Variants in RANGAP1 observed in about 807,000 individuals in gnomAD.
The protein encoded by RANGAP1 is ran GTPase-activating protein 1.
Under a neutral mutation model 63.5 loss-of-function variants are expected in RANGAP1, and 38 were observed. The observed-to-expected ratio is 0.60, with a 90% CI of 0.46 to 0.78. The LOEUF is 0.78. RANGAP1 is among the 30% of genes least tolerant of loss of function. The pLI, the probability that RANGAP1 is intolerant of heterozygous loss-of-function variation, is 0.00. For missense variants in RANGAP1, 630 were observed against 740.3 expected, an observed-to-expected ratio of 0.85 and a Z score of 1.73; for synonymous variants, 329 against 310.5, an observed-to-expected ratio of 1.06 and a Z score of -0.63.
At chr22:41,255,247 G>A (rs1453955333) in intron 10 of RANGAP1, among the ~76,000 whole-genome samples, 1 of 152,190 alleles carries the variant, frequency 6.6e-6, no homozygotes, top group African/African-American at 2.4e-5. Context: ...TGGGACCTGT[G>A]AGGTTCAGCC....
chr22:41,291,596 T>TAAAA, the RANGAP1 span, among the ~76,000 whole-genome samples: 135 of 106,064 alleles, frequency 1.3e-3, 1 homozygote, highest in South Asian at 3.0e-3. Flanking sequence ...AGATCCATCT[T>TAAAA]AAAAAAAAAA....
chr22:41,299,721 A>G, the RANGAP1 span, among the ~76,000 whole-genome samples: 1 of 152,066 alleles, frequency 6.6e-6, no homozygotes, highest in African/African-American at 2.4e-5. Flanking sequence ...CTTCCCAGAA[A>G]GCCTACCGAT....
chr22:41,288,201 T>G (rs949227260), upstream of RANGAP1, among the ~76,000 whole-genome samples: 3 of 152,122 alleles, frequency 2.0e-5, no homozygotes, highest in African/African-American at 4.8e-5. Flanking sequence ...CTCTCCTTTT[T>G]ACCTACAAGG....
chr22:41,265,384 A>G (rs960525329), intron 4 of RANGAP1, among the ~76,000 whole-genome samples: 5 of 152,170 alleles, frequency 3.3e-5, no homozygotes, highest in African/African-American at 1.2e-4. Context: ...GAGCAGATGC[A>G]CAGAAAGGGG....
Position 41,249,374 on chromosome 22 carries a change from A to G in RANGAP1, c.1650T>C (p.Tyr550=), listed in dbSNP as rs2033273201. The G allele has an allele frequency of 6.2e-7, 1 of 1,613,384 alleles. No individual in the cohort carries two copies. Among genetic ancestry groups the G allele is most frequent in the Non-Finnish European group, 8.5e-7 (1 of 1,179,724 alleles). Residue 550 remains tyrosine, a synonymous_variant, in exon 15 of 16, where the codon TAT becomes TAC. Transcript: ENST00000356244. ...GCAGGGGTGCAAGGGCCTTGGGGAAATAGTCCTGCTGCACCATGTGGTTCA... is the reference window on the plus strand; with the variant it reads ...GCAGGGGTGCAAGGGCCTTGGGGAAGTAGTCCTGCTGCACCATGTGGTTCA... ...MALNHMVQQD[Y]FPKALAPLLL... is the part of the protein sequence containing the mutation.
chr22:41,258,943 C>A (rs2145729139), intron 6 of RANGAP1, among the ~76,000 whole-genome samples: 1 of 152,298 alleles, frequency 6.6e-6, no homozygotes, highest in Non-Finnish European at 1.5e-5. Flanking sequence ...ACGTGAGATA[C>A]CACACCCAGC....
In RANGAP1 at chr22:41,249,812, G is replaced by A. The variant is rs781395256; in HGVS notation, c.1489C>T (p.Leu497=). 1.2e-6 allele frequency: 2 copies of A among 1,613,680 alleles called. No homozygotes were observed. The highest frequency in any genetic ancestry group is 8.5e-7 in the Non-Finnish European group (1 of 1,179,568). ...GAGGAGTTGAAAGCCTTCTGCATCA[G>A]GGCATCTGTAGGGCAGAAGCAGCAG... The part of the protein sequence containing the change: ...RMAVQDAVDA[L]MQKAFNSSSF... Residue 497 remains leucine, a synonymous_variant, in exon 14 of 16, where the codon CTG becomes TTG. Coordinates refer to ENST00000356244, the MANE Select transcript of RANGAP1 (RefSeq NM_002883.4).
chr22:41,297,798 C>T, the RANGAP1 span, among the ~76,000 whole-genome samples: 2 of 151,276 alleles, frequency 1.3e-5, no homozygotes, highest in African/African-American at 4.9e-5. Flanking sequence ...TCAAGCCATC[C>T]TCCTGGTTCA....
intron 2 of RANGAP1, among the ~76,000 whole-genome samples, chr22:41,280,147 T>C (rs989113032): frequency 1.1e-4 from 16 of 151,722 alleles, no homozygotes; most frequent in Admixed American, 4.6e-4. Flanking sequence ...CGTTAGACCT[T>C]ATGGAGATGT....
At chr22:41,290,184 G>T (rs1188219469), upstream of RANGAP1, among the ~76,000 whole-genome samples, 3 of 148,644 alleles carry the variant, frequency 2.0e-5, no homozygotes, top group Admixed American at 1.3e-4. Context: ...GAGAGAAAGA[G>T]AATAGAAGAC....
intron 1 of RANGAP1, chr22:41,285,632 C>T (rs1436604388): frequency 5.1e-6 from 5 of 985,460 alleles, no homozygotes; most frequent in Middle Eastern, 5.2e-4. Context: ...CGCGCGAATA[C>T]AGGCCGCAAA....
intron 11 of RANGAP1, among the ~76,000 whole-genome samples, chr22:41,253,817 G>A (rs2033636765): frequency 1.3e-5 from 2 of 152,138 alleles, no homozygotes; most frequent in East Asian, 1.9e-4. Context: ...AGAAATATAG[G>A]TAACTATGGC....
the RANGAP1 span, among the ~76,000 whole-genome samples, chr22:41,294,114 C>T: frequency 1.3e-5 from 2 of 152,202 alleles, no homozygotes; most frequent in African/African-American, 2.4e-5. Context: ...CGAAGCTGGA[C>T]GGTACTGCTG....
chr22:41,277,170 C>T (rs866385933), intron 2 of RANGAP1, among the ~76,000 whole-genome samples: 194 of 146,988 alleles, frequency 1.3e-3, no homozygotes, highest in African/African-American at 4.6e-3. Flanking sequence ...CTCCGCCTCC[C>T]GGGTTCACGC....
At chr22:41,272,041 G>A (rs1226180577) in intron 3 of RANGAP1, among the ~76,000 whole-genome samples, 1 of 152,222 alleles carries the variant, frequency 6.6e-6, no homozygotes, top group Non-Finnish European at 1.5e-5. Context: ...GAGGAAGAAG[G>A]AAGGGCTCTA....
At chr22:41,249,930 T>G in intron 13 of RANGAP1, 113 bp from the exon 14 acceptor site, 2 of 900,942 alleles carry the variant, frequency 2.2e-6, no homozygotes, top group Non-Finnish European at 3.6e-6. Context: ...CTCCTCGCCC[T>G]GACGAAGAGG....
chr22:41,258,587 G>A (rs2033982187), intron 6 of RANGAP1, among the ~76,000 whole-genome samples: 1 of 152,218 alleles, frequency 6.6e-6, no homozygotes, highest in African/African-American at 2.4e-5. Flanking sequence ...CCTGGCCCAT[G>A]CAGCCCTATC....
At chr22:41,256,407 G>T in intron 8 of RANGAP1, 117 bp from the exon 9 acceptor site, 2 of 966,308 alleles carry the variant, frequency 2.1e-6, no homozygotes, top group Non-Finnish European at 3.1e-6. Flanking sequence ...TCCAGGTGGG[G>T]CAAAGTGGGC....
chr22:41,283,896 CAT>C (rs35336262), intron 1 of RANGAP1, among the ~76,000 whole-genome samples: 44,633 of 152,122 alleles, frequency 0.29, 7,485 homozygotes, highest in Admixed American at 0.5. Flanking sequence ...CTACTTGCCA[CAT>C]AGAGCCTGGC....
Sources: allele counts gnomAD v4.1 joint callset (sites outside exome capture counted in the v4.1 genomes callset), GRCh38; gene constraint gnomAD v4.1.1; transcripts MANE v1.5; gene names NCBI Gene and HGNC (gene_info 2026-07-23, HGNC 2026-07-21).